The following WDFY4 variants were observed in gnomAD, a reference collection of about 807,000 sequenced individuals.
The protein encoded by WDFY4 is WD repeat- and FYVE domain-containing protein 4.
Under a neutral mutation model 351.9 loss-of-function variants are expected in WDFY4, and 169 were observed. The ratio of observed to expected loss-of-function variants is 0.48; its 90% CI spans 0.42 to 0.55. The LOEUF (loss-of-function observed/expected upper bound fraction) is 0.55. Among genes scored for constraint, WDFY4 ranks in the 20% least tolerant of loss-of-function variants. The pLI is 0.00. For missense variants in WDFY4, 3,803 were observed against 3,935.6 expected (o/e 0.97, Z 0.90); for synonymous variants, 1,622 against 1,574.6 (o/e 1.03, Z -0.71).
intron 1 of WDFY4, among the ~76,000 whole-genome samples, chr10:48,694,230 G>A (rs568820448): frequency 5.3e-5 from 8 of 152,204 alleles, no homozygotes; most frequent in Admixed American, 4.6e-4. Flanking sequence ...AATCAGATGG[G>A]GGCTGCTCAG....
chr10:48,704,510 A>G (rs1378985971), intron 1 of WDFY4, among the ~76,000 whole-genome samples: 1 of 152,114 alleles, frequency 6.6e-6, no homozygotes, highest in African/African-American at 2.4e-5. Flanking sequence ...TTGCTCTGCC[A>G]AGGCCATATT....
intron 2 of WDFY4, among the ~76,000 whole-genome samples, chr10:48,715,189 G>A (rs1337470938): frequency 6.6e-6 from 1 of 152,240 alleles, no homozygotes; most frequent in Non-Finnish European, 1.5e-5. Context: ...TCTTGGAAGT[G>A]GATCTCTTAG....
chr10:48,762,869 A>T (rs1340794077), intron 13 of WDFY4, among the ~76,000 whole-genome samples: 1 of 152,226 alleles, frequency 6.6e-6, no homozygotes, highest in Admixed American at 6.5e-5. Flanking sequence ...CTTTGGTCAA[A>T]GTTAGTCAGG....
chr10:48,776,200 T>A (rs2066025106), intron 15 of WDFY4, among the ~76,000 whole-genome samples: 1 of 152,226 alleles, frequency 6.6e-6, no homozygotes, highest in Non-Finnish European at 1.5e-5. Context: ...GGTACCCCTG[T>A]GTCAGGCCTA....
In WDFY4 at chr10:48,742,865, C is replaced by T. The variant is rs2064895673; in HGVS notation, c.1879-103C>T. ...TTCCTGTAACTTGTTGGCCTGAAGT[C>T]GTTGAGGGAAGAGCTAGTGGGACGC... On this transcript the variant is annotated intron_variant, in intron 11 of 61. Coordinates refer to ENST00000325239, the MANE Select transcript of WDFY4 (RefSeq NM_001394531.1). 4.7e-6 allele frequency: 5 copies of T among 1,066,418 alleles called. No homozygotes were observed. The South Asian group carries it at 6.6e-5, about 14-fold the overall frequency. The allele number at this position is 1,066,418 out of a possible 1,614,324, so 66.1% of individuals were successfully genotyped here.
chr10:48,856,427 T>G (rs1179102458), intron 39 of WDFY4, among the ~76,000 whole-genome samples: 1 of 152,152 alleles, frequency 6.6e-6, no homozygotes, highest in Non-Finnish European at 1.5e-5. Flanking sequence ...CTCCTCTCTT[T>G]TTCAACTACA....
chr10:48,722,246 C>T (rs1162014978), intron 4 of WDFY4, among the ~76,000 whole-genome samples: 1 of 152,218 alleles, frequency 6.6e-6, no homozygotes, highest in Non-Finnish European at 1.5e-5. Context: ...CTGCCTGCAT[C>T]ACTGTCAGGC....
Position 48,822,551 on chromosome 10 carries a change from A to G in WDFY4, c.5982+14A>G. Reference sequence around the variant, plus strand: ...CACATCATGGTGGTAAGAGCTGCTCACTGACCGGGTATCTGTGTGGATCTG... The same window carrying G: ...CACATCATGGTGGTAAGAGCTGCTCGCTGACCGGGTATCTGTGTGGATCTG... On this transcript the variant is annotated intron_variant, in intron 35 of 61. Transcript: ENST00000325239. 6.6e-7 allele frequency: 1 copy of G among 1,517,320 alleles called. No homozygotes were observed. The highest frequency in any genetic ancestry group is 8.9e-7 in the Non-Finnish European group (1 of 1,125,776). The allele number at this position is 1,517,320 out of a possible 1,614,324, so 94.0% of individuals were successfully genotyped here.
chr10:48,793,782 A>G (rs181012692), intron 23 of WDFY4, among the ~76,000 whole-genome samples: 1 of 152,334 alleles, frequency 6.6e-6, no homozygotes, highest in East Asian at 1.9e-4. Flanking sequence ...TCTTCAATTA[A>G]GTGGCTTGCT....
intron 23 of WDFY4, among the ~76,000 whole-genome samples, chr10:48,795,923 C>A (rs2066859326): frequency 6.6e-6 from 1 of 152,070 alleles, no homozygotes; most frequent in African/African-American, 2.4e-5. Flanking sequence ...GCACATCTGG[C>A]TGGGTGCAGC....
chr10:48,866,933 G>A (rs1179603881), intron 39 of WDFY4, among the ~76,000 whole-genome samples: 1 of 152,124 alleles, frequency 6.6e-6, no homozygotes, highest in Non-Finnish European at 1.5e-5. Context: ...CACTTTGGGA[G>A]GCTGAGGCAG....
chr10:48,757,214 T>A (rs1052573883), intron 12 of WDFY4, among the ~76,000 whole-genome samples: 1 of 152,114 alleles, frequency 6.6e-6, no homozygotes, highest in Non-Finnish European at 1.5e-5. Flanking sequence ...AAGGAACAAT[T>A]ACTGAGAGGA....
At chr10:48,911,573 G>T (rs1028538741) in intron 47 of WDFY4, among the ~76,000 whole-genome samples, 2 of 152,142 alleles carry the variant, frequency 1.3e-5, no homozygotes, top group African/African-American at 4.8e-5. Flanking sequence ...TAACTATCTT[G>T]CAGATGTTTT....
chr10:48,857,683 G>C (rs1248453907), intron 39 of WDFY4, among the ~76,000 whole-genome samples: 1 of 152,010 alleles, frequency 6.6e-6, no homozygotes, highest in Non-Finnish European at 1.5e-5. Flanking sequence ...CATCTAGATG[G>C]GTGACCTGGG....
chr10:48,829,747 G>A (rs1242200988), intron 37 of WDFY4, among the ~76,000 whole-genome samples: 3 of 152,282 alleles, frequency 2.0e-5, no homozygotes, highest in East Asian at 3.9e-4. Flanking sequence ...AGCTACTCGG[G>A]AGGCTGAGGC....
chr10:48,702,227 G>A (rs2063498399), intron 1 of WDFY4, among the ~76,000 whole-genome samples: 2 of 151,920 alleles, frequency 1.3e-5, no homozygotes, highest in Admixed American at 1.3e-4. Context: ...AGTATTTGAT[G>A]GCTGCTGAAA....
At chr10:48,955,750 T>G (rs528392339) in intron 51 of WDFY4, among the ~76,000 whole-genome samples, 22 of 152,270 alleles carry the variant, frequency 1.4e-4, no homozygotes, top group African/African-American at 4.1e-4. Flanking sequence ...CTGCCCTTTT[T>G]TACCTCCACC....
At chr10:48,753,755 G>T (rs1332311716) in intron 12 of WDFY4, among the ~76,000 whole-genome samples, 1 of 152,098 alleles carries the variant, frequency 6.6e-6, no homozygotes, top group African/African-American at 2.4e-5. Context: ...TGATTATGTA[G>T]CTTTGTAGTA....
rs1279716759 is a variant in WDFY4 at position 48,778,594 on chromosome 10, C to G, written c.3176-17C>G. On this transcript the variant is annotated splice_polypyrimidine_tract_variant and intron_variant, in intron 17 of 61. Transcript: ENST00000325239. ...GGGCAGAACAAAGCCTGAGGGCATG[C>G]CTGTGTTCCCACCCAGGTGCCACCA... The G allele has an allele frequency of 1.9e-6, 3 of 1,548,486 alleles. No individual in the cohort carries two copies. The highest frequency in any genetic ancestry group is 2.4e-5 in the South Asian group (2 of 83,958).
Sources: gnomAD v4.1 joint callset for allele counts (sites outside exome capture counted in the v4.1 genomes callset) on GRCh38, gnomAD v4.1.1 for gene constraint, MANE v1.5 for transcripts, NCBI Gene and HGNC (gene_info 2026-07-23, HGNC 2026-07-21) for gene names.